The following TNIP1 variants were observed in gnomAD, a reference collection of about 807,000 sequenced individuals.
TNIP1 encodes TNFAIP3 interacting protein 1.
TNIP1 carries 22 observed loss-of-function variants against 86.6 expected under a neutral mutation model. That is an observed-to-expected ratio of 0.25 (90% CI 0.18 to 0.36). The LOEUF (loss-of-function observed/expected upper bound fraction) is 0.36. Among genes scored for constraint, TNIP1 ranks in the 10% least tolerant of loss-of-function variants. The probability of loss-of-function intolerance (pLI) is 1.00; values close to 1 mark genes in which losing one functional copy is unlikely to be tolerated. For missense variants in TNIP1, 709 were observed against 820.6 expected (o/e 0.86, Z 1.66); for synonymous variants, 294 against 313.0 (o/e 0.94, Z 0.64).
chr5:151,059,823 GAGAGA>G, intron 5 of TNIP1, among the ~76,000 whole-genome samples: 2 of 95,866 alleles, frequency 2.1e-5, no homozygotes, highest in South Asian at 3.3e-4. Context: ...GAGAGAGAGA[GAGAGA>G]GTGTGTGTGT....
intron 3 of TNIP1, among the ~76,000 whole-genome samples, chr5:151,062,492 T>A (rs1433252647): frequency 1.3e-5 from 2 of 152,188 alleles, no homozygotes; most frequent in Non-Finnish European, 2.9e-5. Flanking sequence ...GCCTCAATGA[T>A]AAAGACAATG....
intron 5 of TNIP1, among the ~76,000 whole-genome samples, chr5:151,058,524 G>A (rs12518386): frequency 0.23 from 34,969 of 152,040 alleles, 4,122 homozygotes; most frequent in South Asian, 0.3. Context: ...CCCTACAGCC[G>A]CAGGTCCCAT....
chr5:151,046,013 G>T, intron 8 of TNIP1, 63 bp from the exon 9 acceptor site: 1 of 1,533,756 alleles, frequency 6.5e-7, no homozygotes, highest in East Asian at 2.3e-5. Flanking sequence ...ACCCAGTCTC[G>T]GTGCTCCTCT....
chr5:151,050,079 CTCCTGG>C, intron 7 of TNIP1, 132 bp from the exon 8 acceptor site: 1 of 1,453,192 alleles, frequency 6.9e-7, no homozygotes, highest in Non-Finnish European at 9.2e-7. Context: ...GAAACCTGCC[CTCCTGG>C]AAAACCAAAA....
chr5:151,033,503 T>A (rs1382037008), intron 16 of TNIP1, 105 bp downstream of exon 16: 2 of 782,342 alleles, frequency 2.6e-6, no homozygotes, highest in Admixed American at 5.8e-5. Context: ...GCTGTTTAGT[T>A]CAGAAGGATG....
rs575592407 is a variant in TNIP1, at chr5:151,032,314, G to A, written c.1849C>T (p.Pro617Ser). The A allele has an allele frequency of 6.2e-7, 1 of 1,613,888 alleles. No homozygotes were observed. Among genetic ancestry groups the A allele is most frequent in the Non-Finnish European group, 8.5e-7 (1 of 1,179,958 alleles). The change falls in exon 17 of 18, where the codon CCT (proline) becomes TCT (serine). Residue 617 changes from proline to serine, a missense_variant. Physicochemically the swap from Pro to Ser is moderately conservative, Grantham distance 74 (BLOSUM62 -1). Coordinates refer to ENST00000521591, the MANE Select transcript of TNIP1 (RefSeq NM_006058.5). The stretch of plus-strand genomic sequence containing the variant: ...GGTTCTGTAGGCCTGGCTGTGGGAG[G>A]GTCCATCACTTGGGAGCTCTGATTT... ...NPNQSSQVMD[P>S]PTARPTEPES...
Position 151,079,550 on chromosome 5 carries a change from G to T in TNIP1, c.-37+1330C>A, listed in dbSNP as rs549684609. Among the ~76,000 whole-genome samples the T allele has an allele frequency of 2.0e-5, 3 of 152,124 alleles. No homozygotes were observed. In the South Asian group the frequency reaches 6.2e-4, roughly 32 times the overall value. ...GAGGTAGGAGAATCGCTTGAACCTG[G>T]GAGGCAAGTTGCCGTGAGCCGAGAT... On this transcript the variant is annotated intron_variant, in intron 1 of 17. Coordinates refer to ENST00000521591, the MANE Select transcript of TNIP1 (RefSeq NM_006058.5).
At chr5:151,052,075 C>G in intron 7 of TNIP1, 90 bp downstream of exon 7, 1 of 1,177,406 alleles carries the variant, frequency 8.5e-7, no homozygotes, top group South Asian at 1.4e-5. Flanking sequence ...CTCAGAGCCA[C>G]GGTCCTCAAC....
upstream of TNIP1, among the ~76,000 whole-genome samples, chr5:151,081,535 G>T (rs1581952032): frequency 1.3e-5 from 2 of 152,232 alleles, no homozygotes; most frequent in African/African-American, 4.8e-5. Context: ...GAGCTGAAAA[G>T]ACCCATAAAG....
At chr5:151,051,558 G>C (rs887350098) in intron 7 of TNIP1, among the ~76,000 whole-genome samples, 1 of 152,154 alleles carries the variant, frequency 6.6e-6, no homozygotes, top group Non-Finnish European at 1.5e-5. Flanking sequence ...TGATCTCCAA[G>C]GGCTTGTCAA....
chr5:151,054,026 C>T (rs1760324083), intron 6 of TNIP1, among the ~76,000 whole-genome samples: 1 of 152,226 alleles, frequency 6.6e-6, no homozygotes, highest in Admixed American at 6.5e-5. Flanking sequence ...CAGGTGGATG[C>T]AACCATGTGA....
chr5:151,056,953 A>G lies in TNIP1; in HGVS notation c.440T>C (p.Leu147Pro). The change falls in exon 6 of 18, where the codon CTG becomes CCG. Residue 147 changes from leucine to proline, a missense_variant. Transcript: ENST00000521591. ...GCCGTCCTCACGGGGCAGGGGGCCC[A>G]GCGCCTGGAGAGGGAAAGGGCACAC... ...ESSSHANAMA[L>P]GPLPREDGNL... 6.6e-7 allele frequency: 1 copy of G among 1,505,966 alleles called. No individual in the cohort carries two copies. The highest frequency in any genetic ancestry group is 2.6e-5 in the East Asian group (1 of 38,834). The allele number at this position is 1,505,966 out of a possible 1,614,324, so 93.3% of individuals were successfully genotyped here.
At position 151,063,753 on chromosome 5, in the gene TNIP1, G is replaced by A; in HGVS notation, c.137-6C>T. ...GGACTCTTCCAAAAGCTCCCCTAGA[G>A]TTATTGGGGAAGAGGAAGCAAAAGC... On this transcript the variant is annotated splice_region_variant and splice_polypyrimidine_tract_variant and intron_variant, in intron 2 of 17. Coordinates refer to ENST00000521591, the MANE Select transcript of TNIP1 (RefSeq NM_006058.5). 6.2e-7 allele frequency: 1 copy of A among 1,611,838 alleles called. No individual in the cohort carries two copies. The highest frequency in any genetic ancestry group is 2.2e-5 in the East Asian group (1 of 44,796).
intron 3 of TNIP1, 112 bp downstream of exon 3, chr5:151,063,501 C>T: frequency 6.8e-7 from 1 of 1,478,792 alleles, no homozygotes; most frequent in Non-Finnish European, 9.2e-7. Context: ...AGCCTGTGAC[C>T]TAAGGATAAA....
chr5:151,030,826 G>T, intron 17 of TNIP1, 79 bp from the exon 18 acceptor site: 1 of 1,232,514 alleles, frequency 8.1e-7, no homozygotes. Flanking sequence ...ATGCAGTGCA[G>T]GAACAGTGAA....
At position 151,045,963 on chromosome 5, in the gene TNIP1, A is replaced by G. The variant is rs1012496872; in HGVS notation, c.847-13T>C. The G allele has an allele frequency of 6.2e-7, 1 of 1,613,120 alleles. No homozygotes were observed. The highest frequency in any genetic ancestry group is 1.3e-5 in the African/African-American group (1 of 74,864). ...CCGTCACACTAGCCTGGGGAGAAGCACAGAGGAGCCTTCACCAAAACCTCA... is the reference window on the plus strand; with the variant it reads ...CCGTCACACTAGCCTGGGGAGAAGCGCAGAGGAGCCTTCACCAAAACCTCA... On this transcript the variant is annotated splice_polypyrimidine_tract_variant and intron_variant, in intron 8 of 17. Coordinates refer to ENST00000521591, the MANE Select transcript of TNIP1 (RefSeq NM_006058.5).
Position 151,063,618 on chromosome 5 carries a change from A to G in TNIP1, c.266T>C (p.Leu89Pro). The G allele has an allele frequency of 1.9e-6, 3 of 1,614,034 alleles. No individual in the cohort carries two copies. Among genetic ancestry groups the G allele is most frequent in the Non-Finnish European group, 2.5e-6 (3 of 1,179,954 alleles). ...SLGSFDPLAE[L>P]TGKDSNVTAS... is the part of the protein sequence containing the mutation. The stretch of plus-strand genomic sequence containing the variant: ...TACCCAGACTCCTCTTATACCTGTG[A>G]GCTCAGCCAGGGGGTCGAAGGAGCC... The change falls in exon 3 of 18, where the codon CTC (leucine) becomes CCC (proline). Residue 89 changes from leucine (L) to proline (P), a missense_variant. Physicochemically the swap from Leu to Pro is moderately conservative, Grantham distance 98. Transcript: ENST00000521591.
intron 6 of TNIP1, among the ~76,000 whole-genome samples, chr5:151,055,358 G>T (rs1440365198): frequency 6.6e-6 from 1 of 152,070 alleles, no homozygotes; most frequent in East Asian, 1.9e-4. Flanking sequence ...CCTTTTAAGG[G>T]GCCTAGGATC....
intron 4 of TNIP1, 29 bp from the exon 5 acceptor site, chr5:151,060,424 C>A (rs138466555): frequency 3.1e-6 from 5 of 1,611,906 alleles, no homozygotes; most frequent in African/African-American, 1.3e-5. Context: ...AGGTGCTGCC[C>A]GAGAGAAAAA....
Sources: allele counts gnomAD v4.1 joint callset (sites outside exome capture counted in the v4.1 genomes callset), GRCh38; gene constraint gnomAD v4.1.1; transcripts MANE v1.5; gene names NCBI Gene and HGNC (gene_info 2026-07-23, HGNC 2026-07-21).